Variants in CAB39 observed in about 807,000 individuals in gnomAD.
CAB39 encodes calcium-binding protein 39.
CAB39 carries 8 observed loss-of-function variants against 40.0 expected under a neutral mutation model. The observed-to-expected ratio is 0.20, with a 90% CI of 0.12 to 0.36. The LOEUF (loss-of-function observed/expected upper bound fraction) is 0.36, where lower values mean the gene tolerates loss of function less well. CAB39 is among the 10% of genes least tolerant of loss of function. The pLI is 1.00. For synonymous variants in CAB39, 156 were observed against 141.6 expected (o/e 1.10, Z -0.72); for missense variants, 270 against 401.1 (o/e 0.67, Z 2.79).
rs773036971 is a variant in CAB39 at position 230,818,497 on chromosome 2, T to C, written c.838-19T>C. ...TTTTGTCCTTTCTCTGTGCCTCATG[T>C]GCGTTTCTCTCCACGCAGGTGTTTG... is the stretch of plus-strand genomic sequence containing the variant. On this transcript the variant is annotated intron_variant, in intron 8 of 8. Coordinates refer to ENST00000258418, the MANE Select transcript of CAB39 (RefSeq NM_016289.4). 6.2e-7 allele frequency: 1 copy of C among 1,609,078 alleles called. No individual in the cohort carries two copies. The highest frequency in any genetic ancestry group is 1.1e-5 in the South Asian group (1 of 90,496).
At chr2:230,733,733 A>G (rs1486809469) in intron 1 of CAB39, among the ~76,000 whole-genome samples, 1 of 152,208 alleles carries the variant, frequency 6.6e-6, no homozygotes, top group African/African-American at 2.4e-5. Context: ...TTACATATTT[A>G]TATAATGTTT....
At chr2:230,757,170 C>T (rs866059469) in intron 1 of CAB39, among the ~76,000 whole-genome samples, 10 of 152,172 alleles carry the variant, frequency 6.6e-5, no homozygotes, top group Admixed American at 6.5e-5. Flanking sequence ...TGCAGTGGTA[C>T]AGTCACCACC....
At chr2:230,740,773 G>C (rs1402956186) in intron 1 of CAB39, among the ~76,000 whole-genome samples, 2 of 152,170 alleles carry the variant, frequency 1.3e-5, no homozygotes, top group Non-Finnish European at 2.9e-5. Context: ...CACCTCCTCT[G>C]TTACTAGCAG....
At chr2:230,810,754 C>G (rs766545554) in intron 6 of CAB39, among the ~76,000 whole-genome samples, 1 of 152,248 alleles carries the variant, frequency 6.6e-6, no homozygotes, top group African/African-American at 2.4e-5. Flanking sequence ...CTCTACTGCT[C>G]ACTCCTTTGT....
chr2:230,798,098 C>A (rs1264970960), intron 4 of CAB39, among the ~76,000 whole-genome samples: 1 of 152,002 alleles, frequency 6.6e-6, no homozygotes, highest in East Asian at 1.9e-4. Context: ...TGGAGATGAG[C>A]ATAGGGAAGG....
chr2:230,730,845 T>C (rs1254151972), intron 1 of CAB39, among the ~76,000 whole-genome samples: 1 of 152,128 alleles, frequency 6.6e-6, no homozygotes, highest in Non-Finnish European at 1.5e-5. Context: ...TGAAAAAAAT[T>C]TGTGCGATGA....
At chr2:230,756,547 C>T (rs1454640530) in intron 1 of CAB39, among the ~76,000 whole-genome samples, 3 of 152,042 alleles carry the variant, frequency 2.0e-5, no homozygotes, top group Non-Finnish European at 4.4e-5. Flanking sequence ...TTGTTTTTGC[C>T]TACCAAAATC....
intron 5 of CAB39, among the ~76,000 whole-genome samples, chr2:230,809,789 T>C (rs1244790205): frequency 6.6e-6 from 1 of 152,246 alleles, no homozygotes; most frequent in Non-Finnish European, 1.5e-5. Context: ...CTGAATGTGA[T>C]TGAACTTAGG....
Position 230,820,914 on chromosome 2 carries a change from G to A in CAB39, c.*2210G>A, listed in dbSNP as rs1260880683. The A allele has an allele frequency of 6.6e-6, 1 of 152,598 alleles. No homozygotes were observed. The highest frequency in any genetic ancestry group is 2.4e-5 in the African/African-American group (1 of 41,426). 9.5% of individuals were successfully genotyped at this position (152,598 alleles called of 1,614,324 possible). A position where few individuals can be genotyped will look rare whatever the true frequency, so the allele number is the denominator to read the frequency against. On this transcript the variant is annotated 3_prime_UTR_variant, in exon 9 of 9. Transcript: ENST00000258418. ...TAAAGGTTTAATTTTACATAAGGCA[G>A]TTACTTAATGTGATTTTTAACCCTT...
At chr2:230,730,604 C>T (rs376741321) in intron 1 of CAB39, among the ~76,000 whole-genome samples, 6 of 151,970 alleles carry the variant, frequency 3.9e-5, no homozygotes, top group African/African-American at 1.5e-4. Flanking sequence ...CCACCACACC[C>T]GGCTAATTTT....
intron 2 of CAB39, among the ~76,000 whole-genome samples, chr2:230,780,341 C>T (rs1695665706): frequency 6.6e-6 from 1 of 152,132 alleles, no homozygotes; most frequent in Non-Finnish European, 1.5e-5. Context: ...TGATCAAAAT[C>T]CAAAAAATAA....
chr2:230,756,273 T>G (rs1014713682), intron 1 of CAB39, among the ~76,000 whole-genome samples: 2 of 152,250 alleles, frequency 1.3e-5, no homozygotes, highest in Admixed American at 1.3e-4. Flanking sequence ...TAGTAATCTA[T>G]GTGATATAGC....
intron 2 of CAB39, among the ~76,000 whole-genome samples, chr2:230,775,848 T>TA (rs1040492043): frequency 6.6e-6 from 1 of 152,196 alleles, no homozygotes; most frequent in Admixed American, 6.5e-5. Flanking sequence ...TCCCCGTTCT[T>TA]AAAAAAGTAT....
chr2:230,716,667 A>T (rs1694355212), intron 1 of CAB39, among the ~76,000 whole-genome samples: 1 of 152,208 alleles, frequency 6.6e-6, no homozygotes, highest in African/African-American at 2.4e-5. Flanking sequence ...CTCCCAAAGC[A>T]CTGGGATTAT....
intron 1 of CAB39, among the ~76,000 whole-genome samples, chr2:230,747,131 A>C (rs1422384318): frequency 6.6e-6 from 1 of 152,186 alleles, no homozygotes; most frequent in Non-Finnish European, 1.5e-5. Context: ...AGGCAGGTGC[A>C]GGAGAATCGC....
chr2:230,734,047 G>A (rs1468180600), intron 1 of CAB39, among the ~76,000 whole-genome samples: 5 of 152,176 alleles, frequency 3.3e-5, no homozygotes, highest in Middle Eastern at 3.2e-3. Context: ...CTCGCAGCCC[G>A]CACTAGGCCA....
intron 1 of CAB39, among the ~76,000 whole-genome samples, chr2:230,753,174 C>T (rs141813676): frequency 1.6e-4 from 25 of 152,234 alleles, no homozygotes; most frequent in Non-Finnish European, 7.4e-5. Context: ...AAACAACTAG[C>T]GGAGAGCAGT....
At chr2:230,736,677 T>C (rs1424574184) in intron 1 of CAB39, among the ~76,000 whole-genome samples, 1 of 152,166 alleles carries the variant, frequency 6.6e-6, no homozygotes, top group African/African-American at 2.4e-5. Context: ...TTAATATACT[T>C]CTCAAATCGT....
intron 2 of CAB39, among the ~76,000 whole-genome samples, chr2:230,779,687 T>TG (rs1417438628): frequency 6.6e-6 from 1 of 152,180 alleles, no homozygotes; most frequent in Non-Finnish European, 1.5e-5. Flanking sequence ...ATGTGTAAAT[T>TG]GCCATCATAA....
Sources: allele counts gnomAD v4.1 joint callset (sites outside exome capture counted in the v4.1 genomes callset), GRCh38; gene constraint gnomAD v4.1.1; transcripts MANE v1.5; gene names NCBI Gene and HGNC (gene_info 2026-07-23, HGNC 2026-07-21).